TK2: variants seen among roughly 807,000 people sequenced by gnomAD.
TK2 encodes thymidine kinase 2.
In TK2, 35 loss-of-function variants were observed where a neutral mutation model predicts 41.9. The observed-to-expected ratio is 0.84, with a 90% CI of 0.64 to 1.11. The LOEUF (loss-of-function observed/expected upper bound fraction) is 1.11. TK2 is among the 50% of genes least tolerant of loss of function. The pLI, the probability that TK2 is intolerant of heterozygous loss-of-function variation, is 0.00. For synonymous variants in TK2, 128 were observed against 129.1 expected, an observed-to-expected ratio of 0.99 and a Z score of 0.06; for missense variants, 320 against 351.1, an observed-to-expected ratio of 0.91 and a Z score of 0.71.
intron 6 of TK2, among the ~76,000 whole-genome samples, chr16:66,520,179 G>C (rs1349064891): frequency 6.6e-6 from 1 of 152,172 alleles, no homozygotes; most frequent in Non-Finnish European, 1.5e-5. Context: ...TGGGAGGCTG[G>C]AGGAGTGGGA....
intron 9 of TK2, among the ~76,000 whole-genome samples, chr16:66,513,438 G>C (rs1964509802): frequency 6.6e-6 from 1 of 152,148 alleles, no homozygotes; most frequent in Non-Finnish European, 1.5e-5. Flanking sequence ...ATCCCAAATG[G>C]TGAAAACTGA....
At chr16:66,536,729 G>C (rs552287957) in intron 4 of TK2, among the ~76,000 whole-genome samples, 2 of 152,234 alleles carry the variant, frequency 1.3e-5, no homozygotes, top group East Asian at 3.9e-4. Flanking sequence ...ACTGGGAATA[G>C]TATGGGATAG....
chr16:66,540,835 T>C (rs754463497), intron 3 of TK2, among the ~76,000 whole-genome samples: 13 of 152,236 alleles, frequency 8.5e-5, no homozygotes, highest in Non-Finnish European at 1.3e-4. Context: ...TAACCAGACT[T>C]TGAGGCAGTC....
intron 9 of TK2, 42 bp from the exon 10 acceptor site, chr16:66,512,108 A>G: frequency 1.3e-6 from 2 of 1,533,398 alleles, no homozygotes; most frequent in Non-Finnish European, 9.0e-7. Flanking sequence ...CACTGACCTC[A>G]GCAGCATCCT....
intron 4 of TK2, among the ~76,000 whole-genome samples, chr16:66,535,970 T>G (rs1965263880): frequency 6.6e-6 from 1 of 152,072 alleles, no homozygotes; most frequent in Non-Finnish European, 1.5e-5. Flanking sequence ...TTTGGGAGGC[T>G]GAGGTGGGTG....
rs184402135 is a variant in TK2, at chr16:66,526,147, G to A, written c.449+2847C>T. On this transcript the variant is annotated intron_variant, in intron 6 of 9. Coordinates refer to ENST00000544898, the MANE Select transcript of TK2 (RefSeq NM_004614.5). The stretch of plus-strand genomic sequence containing the variant: ...TGGCTCCTGGGGAAATCTACCTAGC[G>A]CTGGGTGGCCTACAGGTTTGGGGGT... Among the ~76,000 whole-genome samples the A allele has an allele frequency of 1.5e-3, 221 of 152,282 alleles. 4 individuals are homozygous for A. The highest frequency in any genetic ancestry group is 0.012 in the Admixed American group (189 of 15,300).
Position 66,508,350 on chromosome 16 carries a change from G to C in TK2, c.*3618C>G, listed in dbSNP as rs1300526439. ...TGAGGGGATGGGATTATTAGGAAAA[G>C]AAAGTGTGTGCCAGTAACCCTGAGG... On this transcript the variant is annotated 3_prime_UTR_variant, in exon 10 of 10. Transcript: ENST00000544898. The C allele has an allele frequency of 6.6e-6, 1 of 152,284 alleles. No homozygotes were observed. The highest frequency in any genetic ancestry group is 1.5e-5 in the Non-Finnish European group (1 of 68,056). 9.4% of individuals were successfully genotyped at this position (152,284 alleles called of 1,614,324 possible).
intron 6 of TK2, among the ~76,000 whole-genome samples, chr16:66,526,629 G>A (rs756615102): frequency 6.6e-6 from 1 of 152,198 alleles, no homozygotes; most frequent in Non-Finnish European, 1.5e-5. Flanking sequence ...GACATGTGCT[G>A]TAGGTCCAGC....
rs1239047209 is a variant in TK2, at chr16:66,549,949, G to A, written c.113C>T (p.Ala38Val). 1.5e-6 allele frequency: 2 copies of A among 1,365,862 alleles called. No individual in the cohort carries two copies. Among genetic ancestry groups the A allele is most frequent in the African/African-American group, 1.5e-5 (1 of 65,470 alleles). The allele number at this position is 1,365,862 out of a possible 1,614,324, so 84.6% of individuals were successfully genotyped here. The change falls in exon 1 of 10, where the codon GCC (alanine) becomes GTC (valine). Residue 38 changes from alanine to valine, a missense_variant. Ala to Val is a moderately conservative substitution (Grantham distance 64, BLOSUM62 0). Transcript: ENST00000544898. Reference sequence around the variant, plus strand: ...AAGACGCGCGTTACCGGGAGGCCAGGCCCGGCGCTGCACCCTCCGCGGCCC... The same window carrying A: ...AAGACGCGCGTTACCGGGAGGCCAGACCCGGCGCTGCACCCTCCGCGGCCC... ...GPGPRRVQRRAWPPDKEQEKE... is the reference protein window; with the variant it reads ...GPGPRRVQRRVWPPDKEQEKE...
intron 6 of TK2, among the ~76,000 whole-genome samples, chr16:66,527,817 C>G (rs1245824481): frequency 6.6e-6 from 1 of 152,108 alleles, no homozygotes; most frequent in African/African-American, 2.4e-5. Context: ...ATCACTTGAG[C>G]CCAGGAGTTC....
chr16:66,518,539 C>CA (rs1964684058), intron 6 of TK2, among the ~76,000 whole-genome samples: 1 of 152,038 alleles, frequency 6.6e-6, no homozygotes, highest in East Asian at 1.9e-4. Context: ...TCAAACAAAA[C>CA]AAAAAAATTT....
chr16:66,540,504 G>T lies in TK2; in HGVS notation c.231+1375C>A, dbSNP rs529028400. 2.6e-5 allele frequency among the ~76,000 whole-genome samples: 4 copies of T among 152,244 alleles called. No individual in the cohort carries two copies. The South Asian group carries it at 8.3e-4, about 32-fold the overall frequency. On this transcript the variant is annotated intron_variant, in intron 3 of 9. Transcript: ENST00000544898. ...ATATTTCTAGCAGAAGTAAAAACAG[G>T]AAAGGAAGGGAAGAAGGAAAGAAAA...
intron 1 of TK2, 135 bp downstream of exon 1, chr16:66,549,803 C>T: frequency 7.8e-7 from 1 of 1,287,498 alleles, no homozygotes; most frequent in Non-Finnish European, 9.8e-7. Context: ...CCGCCCCCGT[C>T]CCAGCCGCAG....
At chr16:66,521,832 G>A (rs1412593528) in intron 6 of TK2, among the ~76,000 whole-genome samples, 1 of 152,140 alleles carries the variant, frequency 6.6e-6, no homozygotes, top group African/African-American at 2.4e-5. Context: ...TGGGCATGGG[G>A]GTCTCACCCT....
chr16:66,548,114 C>A, intron 2 of TK2: 1 of 459,278 alleles, frequency 2.2e-6, no homozygotes, highest in Non-Finnish European at 4.2e-6. Flanking sequence ...TCCAGCTCAA[C>A]TTTGCATTTC....
rs964325376 is a variant in TK2 at position 66,509,535 on chromosome 16, T to C, written c.*2433A>G. On this transcript the variant is annotated 3_prime_UTR_variant, in exon 10 of 10. Coordinates refer to ENST00000544898, the MANE Select transcript of TK2 (RefSeq NM_004614.5). ...AATGCTAATTGAAAGAAAATGTATA[T>C]GTGCAACAAAAAAGTCAGCGAGAGG... is the stretch of plus-strand genomic sequence containing the variant. The C allele has an allele frequency of 1.3e-5, 2 of 152,248 alleles. No individual in the cohort carries two copies. Among genetic ancestry groups the C allele is most frequent in the Admixed American group, 6.5e-5 (1 of 15,282 alleles). The allele number at this position is 152,248 out of a possible 1,614,324, so 9.4% of individuals were successfully genotyped here.
intron 1 of TK2, chr16:66,549,305 G>A: frequency 8.3e-7 from 1 of 1,206,978 alleles, no homozygotes; most frequent in East Asian, 4.3e-5. Flanking sequence ...TGGATGTTAA[G>A]CAAGTGGAAA....
At chr16:66,516,666 T>C (rs1367312804) in intron 8 of TK2, among the ~76,000 whole-genome samples, 1 of 152,056 alleles carries the variant, frequency 6.6e-6, no homozygotes, top group Non-Finnish European at 1.5e-5. Context: ...ATGGCATCTC[T>C]CCAGTGGGCA....
chr16:66,534,480 C>CTGCCATCTTAA (rs1965216849), intron 4 of TK2, among the ~76,000 whole-genome samples: 1 of 152,190 alleles, frequency 6.6e-6, no homozygotes, highest in Non-Finnish European at 1.5e-5. Context: ...AGAATGAAAT[C>CTGCCATCTTAA]CAAACCCTTA....
Sources: allele counts gnomAD v4.1 joint callset (sites outside exome capture counted in the v4.1 genomes callset), GRCh38; gene constraint gnomAD v4.1.1; transcripts MANE v1.5; gene names NCBI Gene and HGNC (gene_info 2026-07-23, HGNC 2026-07-21).